The following ELK3 variants were observed in gnomAD, a reference collection of about 807,000 sequenced individuals.
The protein encoded by ELK3 is ETS transcription factor ELK3, also known as ETS domain-containing protein Elk-3.
A neutral mutation model predicts 28.9 loss-of-function variants in ELK3; 10 were observed. The observed-to-expected ratio is 0.35, with a 90% CI of 0.21 to 0.59. The LOEUF is 0.59. ELK3 is among the 20% of genes least tolerant of loss of function. The probability of loss-of-function intolerance (pLI) is 0.82; values close to 1 mark genes in which losing one functional copy is unlikely to be tolerated. For synonymous variants in ELK3, 272 were observed against 243.5 expected, an observed-to-expected ratio of 1.12 and a Z score of -1.09; for missense variants, 463 against 517.3, an observed-to-expected ratio of 0.90 and a Z score of 1.02.
At chr12:96,210,242 G>T (rs1480589980) in intron 1 of ELK3, among the ~76,000 whole-genome samples, 1 of 152,174 alleles carries the variant, frequency 6.6e-6, no homozygotes, top group Non-Finnish European at 1.5e-5. Context: ...CTGCGGAACA[G>T]CCTGTTTTTT....
intron 3 of ELK3, among the ~76,000 whole-genome samples, chr12:96,252,922 C>T (rs1951919402): frequency 6.6e-6 from 1 of 152,200 alleles, no homozygotes; most frequent in Non-Finnish European, 1.5e-5. Flanking sequence ...GGGTAAAATG[C>T]TATCAAACAG....
chr12:96,215,780 C>T (rs548352906), intron 1 of ELK3, among the ~76,000 whole-genome samples: 1 of 151,884 alleles, frequency 6.6e-6, no homozygotes, highest in East Asian at 1.9e-4. Flanking sequence ...GGTGGACAGG[C>T]GCGGACCACC....
At chr12:96,197,576 A>G (rs1951480201) in intron 1 of ELK3, among the ~76,000 whole-genome samples, 1 of 152,176 alleles carries the variant, frequency 6.6e-6, no homozygotes, top group African/African-American at 2.4e-5. Flanking sequence ...ATAGAGTGAC[A>G]TACGGATGGT....
chr12:96,223,520 C>T (rs757965987), intron 1 of ELK3, 45 bp from the exon 2 acceptor site: 51 of 1,599,454 alleles, frequency 3.2e-5, no homozygotes, highest in Middle Eastern at 1.9e-4. Flanking sequence ...CAAGTTTGGT[C>T]GGCATCGTGA....
At chr12:96,210,273 C>T (rs1434861239) in intron 1 of ELK3, among the ~76,000 whole-genome samples, 1 of 152,048 alleles carries the variant, frequency 6.6e-6, no homozygotes, top group East Asian at 1.9e-4. Flanking sequence ...TTGTGGTCCT[C>T]CATGAAATCC....
At position 96,238,773 on chromosome 12, in the gene ELK3, C is replaced by T. The variant is rs563372705; in HGVS notation, c.208-8167C>T. Among the ~76,000 whole-genome samples, 23 of 152,254 alleles carry T rather than the reference C, an allele frequency of 1.5e-4. No individual in the cohort carries two copies. In the South Asian group the frequency reaches 3.1e-3, roughly 21 times the overall value. ...GACCTTACGGAAGATTGGTCTCTTC[C>T]GCCCGAAGAGCTAGAAATAACTGTT... On this transcript the variant is annotated intron_variant, in intron 2 of 4. Transcript: ENST00000228741.
rs367960332 is a variant in ELK3 at position 96,247,463 on chromosome 12, C to T, written c.731C>T (p.Pro244Leu). The T allele has an allele frequency of 1.1e-5, 17 of 1,613,994 alleles. No individual in the cohort carries two copies. Among genetic ancestry groups the T allele is most frequent in the Non-Finnish European group, 1.3e-5 (15 of 1,180,030 alleles). ...SSASPFSSRS[P>L]SLSPNSPLPS... ...GCCTCACCCTTCTCATCTCGGTCCC[C>T]GTCCCTGTCCCCCAACTCACCCCTC... Residue 244 changes from proline to leucine, a missense_variant, in exon 3 of 5, where the codon CCG becomes CTG. Pro to Leu is a moderately conservative substitution (Grantham distance 98). Transcript: ENST00000228741. The surrounding 1 kb of genome is among the most constrained non-coding windows in gnomAD (Gnocchi z 5.5).
At chr12:96,210,561 G>GCGCGCACACACACACACACA (rs1555193024) in intron 1 of ELK3, among the ~76,000 whole-genome samples, 14 of 144,846 alleles carry the variant, frequency 9.7e-5, no homozygotes, top group African/African-American at 3.1e-4. Flanking sequence ...GCGCGCGGGC[G>GCGCGCACACACACACACACA]CACGCACACA....
chr12:96,258,871 T>A lies in ELK3; in HGVS notation c.1003-860T>A, dbSNP rs555587926. ...CCCAAACCATTGCCAGGGCAATGAA[T>A]TCTCATCAACTCCACATCCGGAAGG... On this transcript the variant is annotated intron_variant, in intron 3 of 4. Coordinates refer to ENST00000228741, the MANE Select transcript of ELK3 (RefSeq NM_005230.4). Among the ~76,000 whole-genome samples the A allele has an allele frequency of 1.1e-3, 175 of 152,284 alleles. 1 individual carries two copies. Among genetic ancestry groups the A allele is most frequent in the African/African-American group, 3.8e-3 (158 of 41,560 alleles).
chr12:96,245,927 A>G (rs1186354741), intron 2 of ELK3, among the ~76,000 whole-genome samples: 1 of 152,246 alleles, frequency 6.6e-6, no homozygotes, highest in East Asian at 1.9e-4. Flanking sequence ...AAGAGCCAGA[A>G]GTAGACGCTA....
At chr12:96,261,491 T>C (rs1951992219) in intron 4 of ELK3, among the ~76,000 whole-genome samples, 1 of 152,184 alleles carries the variant, frequency 6.6e-6, no homozygotes, top group African/African-American at 2.4e-5. Context: ...GTCTTAAGAT[T>C]AGAGCAGCAG....
chr12:96,247,290 G>A lies in ELK3; in HGVS notation c.558G>A (p.Val186=). ...AAGTCAGGACTGTGATCAGGTTTGT[G>A]ACCAATAAAACCGACAAGCACGTCA... The part of the protein sequence containing the change: ...VEEVRTVIRF[V]TNKTDKHVTR... Residue 186 remains valine, a synonymous_variant, in exon 3 of 5, where the codon GTG becomes GTA. Transcript: ENST00000228741. The surrounding 1 kb of genome is among the most constrained non-coding windows in gnomAD (Gnocchi z 5.5). 2 of 1,614,220 alleles carry A rather than the reference G, an allele frequency of 1.2e-6. No individual in the cohort carries two copies. The highest frequency in any genetic ancestry group is 1.7e-6 in the Non-Finnish European group (2 of 1,180,038).
chr12:96,214,143 A>G (rs898870576), intron 1 of ELK3, among the ~76,000 whole-genome samples: 1 of 152,140 alleles, frequency 6.6e-6, no homozygotes, highest in Non-Finnish European at 1.5e-5. Flanking sequence ...AAAACATTGC[A>G]GACTGGGCCA....
intron 3 of ELK3, among the ~76,000 whole-genome samples, chr12:96,258,308 TC>T (rs1951967235): frequency 6.6e-6 from 1 of 152,228 alleles, no homozygotes; most frequent in Non-Finnish European, 1.5e-5. Flanking sequence ...CATAGGTCAT[TC>T]AGTATGTAGG....
chr12:96,266,713 CTTTTAATATTTAATATTAAACATTA>C (rs1398692105), intron 4 of ELK3, among the ~76,000 whole-genome samples: 2 of 152,070 alleles, frequency 1.3e-5, no homozygotes, highest in African/African-American at 2.4e-5. Flanking sequence ...TCAAAACACT[CTTTTAATATTTAATATTAAACATTA>C]TTTTAATATT....
chr12:96,201,117 A>G (rs578075707), intron 1 of ELK3, among the ~76,000 whole-genome samples: 2 of 152,350 alleles, frequency 1.3e-5, no homozygotes, highest in Admixed American at 6.5e-5. Flanking sequence ...TAATCTGCTT[A>G]GTTAAAAATA....
In ELK3 at chr12:96,247,404, T is replaced by C; in HGVS notation, c.672T>C (p.Ser224=). ...LASSVSAKIS[S]LMLPNAASIS... Reference sequence around the variant, plus strand: ...CGTCCGTCTCGGCCAAGATCTCCTCTTTAATGTTGCCAAACGCTGCCAGTA... The same window carrying C: ...CGTCCGTCTCGGCCAAGATCTCCTCCTTAATGTTGCCAAACGCTGCCAGTA... Residue 224 remains serine (S), a synonymous_variant, in exon 3 of 5, where the codon TCT becomes TCC. Coordinates refer to ENST00000228741, the MANE Select transcript of ELK3 (RefSeq NM_005230.4). The surrounding 1 kb of genome is among the most constrained non-coding windows in gnomAD (Gnocchi z 5.5). 1.2e-6 allele frequency: 2 copies of C among 1,614,146 alleles called. No individual in the cohort carries two copies. Among genetic ancestry groups the C allele is most frequent in the Non-Finnish European group, 1.7e-6 (2 of 1,180,052 alleles).
chr12:96,237,188 A>G (rs1422329902), intron 2 of ELK3, among the ~76,000 whole-genome samples: 1 of 152,238 alleles, frequency 6.6e-6, no homozygotes, highest in African/African-American at 2.4e-5. Context: ...TTTGGCAGGG[A>G]CATTAAACTC....
At chr12:96,222,961 AGGGTC>A (rs1951672993) in intron 1 of ELK3, 1 of 154,488 alleles carries the variant, frequency 6.5e-6, no homozygotes, top group Admixed American at 6.3e-5. Context: ...CAAGAAAGCG[AGGGTC>A]AAGGTGCCAC....
Sources: gnomAD v4.1 joint callset for allele counts (sites outside exome capture counted in the v4.1 genomes callset) on GRCh38, gnomAD v4.1.1 for gene constraint, Gnocchi (gnomAD v3.1) non-coding constraint, MANE v1.5 for transcripts, NCBI Gene and HGNC (gene_info 2026-07-23, HGNC 2026-07-21) for gene names.